Variants in HS3ST5 observed in about 807,000 individuals in gnomAD.
The protein encoded by HS3ST5 is heparan sulfate-glucosamine 3-sulfotransferase 5, also known as heparan sulfate glucosamine 3-O-sulfotransferase 5.
A neutral mutation model predicts 25.4 loss-of-function variants in HS3ST5; 10 were observed. The ratio of observed to expected loss-of-function variants is 0.39; its 90% confidence interval spans 0.24 to 0.67. The LOEUF (loss-of-function observed/expected upper bound fraction) is 0.67, where lower values mean the gene tolerates loss of function less well. HS3ST5 is among the 30% of genes least tolerant of loss of function. The pLI is 0.44. For synonymous variants in HS3ST5, 170 were observed against 162.4 expected, an observed-to-expected ratio of 1.05 and a Z score of -0.36; for missense variants, 324 against 420.7, an observed-to-expected ratio of 0.77 and a Z score of 2.01.
chr6:114,078,532 G>A (rs890866108), intron 3 of HS3ST5, among the ~76,000 whole-genome samples: 1 of 152,140 alleles, frequency 6.6e-6, no homozygotes. Flanking sequence ...CATTTGTATA[G>A]TGCTTTTTCA....
intron 3 of HS3ST5, among the ~76,000 whole-genome samples, chr6:114,155,012 G>A (rs1354017962): frequency 6.6e-6 from 1 of 152,114 alleles, no homozygotes; most frequent in Non-Finnish European, 1.5e-5. Flanking sequence ...TGTCCGCTCT[G>A]GGAGGGCAGG....
At chr6:114,314,950 T>A (rs1256807478) in intron 1 of HS3ST5, among the ~76,000 whole-genome samples, 1 of 152,104 alleles carries the variant, frequency 6.6e-6, no homozygotes, top group Non-Finnish European at 1.5e-5. Flanking sequence ...CTTCTGAGAG[T>A]TGCAAGACAT....
intron 1 of HS3ST5, among the ~76,000 whole-genome samples, chr6:114,262,066 C>G (rs1358318222): frequency 6.6e-6 from 1 of 152,106 alleles, no homozygotes; most frequent in Non-Finnish European, 1.5e-5. Flanking sequence ...TGTAGTAAGA[C>G]AAAGCATTGA....
intron 3 of HS3ST5, among the ~76,000 whole-genome samples, chr6:114,130,816 A>G (rs1265194668): frequency 2.0e-5 from 3 of 151,958 alleles, no homozygotes; most frequent in South Asian, 2.1e-4. Context: ...TGATCCGCCC[A>G]CCTTGGCCTC....
chr6:114,183,739 C>T (rs1051707903), intron 2 of HS3ST5, among the ~76,000 whole-genome samples: 4 of 152,100 alleles, frequency 2.6e-5, no homozygotes, highest in Non-Finnish European at 5.9e-5. Flanking sequence ...AAAGGAGATT[C>T]TGATGAGTGC....
chr6:114,168,189 T>C (rs1231268355), intron 3 of HS3ST5, among the ~76,000 whole-genome samples, 162 bp downstream of exon 3: 3 of 152,134 alleles, frequency 2.0e-5, no homozygotes, highest in Non-Finnish European at 4.4e-5. Context: ...TTTTGTACAG[T>C]GTTTTAGAAG....
intron 3 of HS3ST5, among the ~76,000 whole-genome samples, chr6:114,156,721 C>G (rs889514089): frequency 6.6e-6 from 1 of 152,004 alleles, no homozygotes; most frequent in African/African-American, 2.4e-5. Flanking sequence ...ACCTTTCATT[C>G]CCTTCTTCTA....
chr6:114,072,616 T>C (rs1337497787), intron 3 of HS3ST5, among the ~76,000 whole-genome samples: 1 of 152,200 alleles, frequency 6.6e-6, no homozygotes, highest in African/African-American at 2.4e-5. Context: ...GAATTCATCT[T>C]GGTAGCTTAA....
intron 2 of HS3ST5, among the ~76,000 whole-genome samples, chr6:114,223,948 G>A (rs552086570): frequency 6.6e-6 from 1 of 151,706 alleles, no homozygotes; most frequent in East Asian, 1.9e-4. Context: ...TTTATTTGCT[G>A]AACAAACTTC....
At chr6:114,235,502 T>C (rs1007438546) in intron 1 of HS3ST5, 6 of 152,014 alleles carry the variant, frequency 3.9e-5, no homozygotes, top group African/African-American at 1.4e-4. Flanking sequence ...ATTAAAGAGA[T>C]CTAAAAAGAA....
intron 3 of HS3ST5, among the ~76,000 whole-genome samples, chr6:114,112,013 C>G (rs899828261): frequency 6.6e-6 from 1 of 152,118 alleles, no homozygotes; most frequent in African/African-American, 2.4e-5. Context: ...TTCTCCTTGG[C>G]TTGGAGTCCA....
intron 1 of HS3ST5, among the ~76,000 whole-genome samples, chr6:114,328,690 T>C (rs550099564): frequency 6.6e-6 from 1 of 152,364 alleles, no homozygotes; most frequent in South Asian, 2.1e-4. Flanking sequence ...CATGTAATAA[T>C]ACTTTATTGT....
intron 3 of HS3ST5, among the ~76,000 whole-genome samples, chr6:114,142,079 TCA>T (rs1046682997): frequency 6.6e-6 from 1 of 152,126 alleles, no homozygotes; most frequent in Non-Finnish European, 1.5e-5. Context: ...CTTCTCTCTC[TCA>T]CAAAATAATG....
intron 1 of HS3ST5, among the ~76,000 whole-genome samples, chr6:114,288,735 A>G (rs1774446072): frequency 6.6e-6 from 1 of 151,986 alleles, no homozygotes; most frequent in South Asian, 2.1e-4. Context: ...AAAATTTCTC[A>G]CCTGCTTGCC....
intron 1 of HS3ST5, among the ~76,000 whole-genome samples, chr6:114,315,881 A>ACT (rs1291641253): frequency 6.6e-6 from 1 of 151,916 alleles, no homozygotes; most frequent in Non-Finnish European, 1.5e-5. Context: ...GATATTCTTT[A>ACT]CTCTCTCTCT....
chr6:114,234,148 G>A (rs1265245667), intron 1 of HS3ST5, among the ~76,000 whole-genome samples: 1 of 152,226 alleles, frequency 6.6e-6, no homozygotes, highest in Non-Finnish European at 1.5e-5. Context: ...AAATTCCTGA[G>A]TAGGCTTAAT....
chr6:114,336,872 T>TC (rs1390913473), intron 1 of HS3ST5, among the ~76,000 whole-genome samples: 2 of 152,144 alleles, frequency 1.3e-5, no homozygotes, highest in Non-Finnish European at 2.9e-5. Context: ...CTTGAATAGT[T>TC]CCCCAAACTA....
chr6:114,272,813 C>T (rs1381177604), intron 1 of HS3ST5, among the ~76,000 whole-genome samples: 1 of 152,074 alleles, frequency 6.6e-6, no homozygotes, highest in African/African-American at 2.4e-5. Context: ...GAAGAAAATG[C>T]CAGGCATCAG....
intron 1 of HS3ST5, among the ~76,000 whole-genome samples, chr6:114,291,200 T>C (rs1490107455): frequency 6.6e-6 from 1 of 152,092 alleles, no homozygotes; most frequent in East Asian, 1.9e-4. Context: ...GGGGAGTGCA[T>C]GATTTCAGAA....
Sources: allele counts gnomAD v4.1 joint callset (sites outside exome capture counted in the v4.1 genomes callset), GRCh38; gene constraint gnomAD v4.1.1; transcripts MANE v1.5; gene names NCBI Gene and HGNC (gene_info 2026-07-23, HGNC 2026-07-21).